ZDHHC9: variants seen among roughly 807,000 people sequenced by gnomAD.
The protein encoded by ZDHHC9 is zDHHC palmitoyltransferase 9, also known as palmitoyltransferase ZDHHC9.
In ZDHHC9, 3 loss-of-function variants were observed where a neutral mutation model predicts 26.6. That is an observed-to-expected ratio of 0.11 (90% CI 0.05 to 0.29). ZDHHC9 has a LOEUF of 0.29. Ranked by LOEUF, ZDHHC9 falls within the 10% of genes least tolerant of loss-of-function variation. ZDHHC9 has a pLI of 1.00. For missense variants in ZDHHC9, 146 were observed against 296.4 expected (o/e 0.49, Z 3.73); for synonymous variants, 111 against 109.4 (o/e 1.01, Z -0.09).
chrX:129,840,480 C>T (rs764359879), intron 3 of ZDHHC9, among the ~76,000 whole-genome samples: 2 of 111,674 alleles, frequency 1.8e-5, no homozygotes, highest in Non-Finnish European at 3.8e-5. Flanking sequence ...TGGTACCACA[C>T]ACAAGCACGT....
At chrX:129,814,238 C>T (rs1927708698) in intron 6 of ZDHHC9, among the ~76,000 whole-genome samples, 1 of 111,520 alleles carries the variant, frequency 9.0e-6, no homozygotes, top group Admixed American at 9.6e-5. Context: ...TTTCTATCTC[C>T]CAAACTAGAC....
At chrX:129,824,168 C>A (rs757106304) in intron 4 of ZDHHC9, among the ~76,000 whole-genome samples, 28 of 111,948 alleles carry the variant, frequency 2.5e-4, no homozygotes, top group Non-Finnish European at 5.3e-4. Flanking sequence ...CACAAAGATA[C>A]CATTTTTACC....
In ZDHHC9 at chrX:129,815,836, C is replaced by T. The variant is rs368406197; in HGVS notation, c.488-1041G>A. Among the ~76,000 whole-genome samples, 36 of 111,823 alleles carry T rather than the reference C, an allele frequency of 3.2e-4. No individual in the cohort carries two copies. In the Admixed American group the frequency reaches 3.2e-3, roughly 10 times the overall value. ...AATCAATAGGAAAATACAAATACTT[C>T]GTCAAGAAAATAATAGTCAAAAGTT... is the stretch of plus-strand genomic sequence containing the variant. On this transcript the variant is annotated intron_variant, in intron 5 of 10. Transcript: ENST00000357166.
rs759444980 is a variant in ZDHHC9 at position 129,840,678 on chromosome X, A to C, written c.167+1101T>G. Among the ~76,000 whole-genome samples, 8 of 110,523 alleles carry C rather than the reference A, an allele frequency of 7.2e-5. No homozygotes were observed. In the South Asian group the frequency reaches 3.1e-3, roughly 43 times the overall value. On this transcript the variant is annotated intron_variant, in intron 3 of 10. Coordinates refer to ENST00000357166, the MANE Select transcript of ZDHHC9 (RefSeq NM_016032.4). ...CTTTCCCAGCCCCGTTATAAACTGGATCTCCCTCCCCCTGCTGTTACTCAA... is the reference window on the plus strand; with the variant it reads ...CTTTCCCAGCCCCGTTATAAACTGGCTCTCCCTCCCCCTGCTGTTACTCAA...
chrX:129,805,792 A>G lies in ZDHHC9; in HGVS notation c.*578T>C, dbSNP rs772226649. 2 of 114,240 alleles carry G rather than the reference A, an allele frequency of 1.8e-5. No individual in the cohort carries two copies. Among genetic ancestry groups the G allele is most frequent in the African/African-American group, 6.5e-5 (2 of 30,554 alleles). 9.4% of individuals were successfully genotyped at this position (114,240 alleles called of 1,213,427 possible). A position where few individuals can be genotyped will look rare whatever the true frequency, so the allele number is the denominator to read the frequency against. On this transcript the variant is annotated 3_prime_UTR_variant, in exon 11 of 11. Coordinates refer to ENST00000357166, the MANE Select transcript of ZDHHC9 (RefSeq NM_016032.4). ...GGATGGGAGACAAAGGAGAAGCTAC[A>G]CTAATAAATACAACAAGTGGAAGGT...
At chrX:129,837,850 G>T (rs912086366) in intron 3 of ZDHHC9, among the ~76,000 whole-genome samples, 6 of 112,373 alleles carry the variant, frequency 5.3e-5, no homozygotes, top group Non-Finnish European at 1.1e-4. Flanking sequence ...CAGTGCACTT[G>T]TTCCTTTCTC....
chrX:129,832,938 C>T (rs1224117760), intron 3 of ZDHHC9, among the ~76,000 whole-genome samples: 1 of 99,180 alleles, frequency 1.0e-5, no homozygotes, highest in African/African-American at 3.9e-5. Context: ...TGCACTCCAG[C>T]CTGGTGACAG....
At position 129,838,411 on chromosome X, in the gene ZDHHC9, C is replaced by A. The variant is rs1042079901; in HGVS notation, c.167+3368G>T. 3.6e-5 allele frequency among the ~76,000 whole-genome samples: 4 copies of A among 112,187 alleles called. No individual in the cohort carries two copies. The Admixed American group carries it at 3.8e-4, about 11-fold the overall frequency. ...AACAGGCCGGGCGCAGTGGCTCATG[C>A]CTGTAATCCCAGCACTTGGGGAGGC... On this transcript the variant is annotated intron_variant, in intron 3 of 10. Transcript: ENST00000357166.
At chrX:129,822,002 G>A (rs754151433) in intron 5 of ZDHHC9, among the ~76,000 whole-genome samples, 8 of 111,441 alleles carry the variant, frequency 7.2e-5, no homozygotes, top group Non-Finnish European at 1.3e-4. Flanking sequence ...TACACTGTTG[G>A]TGGGAGTGTA....
Position 129,818,861 on chromosome X carries a change from G to T in ZDHHC9, c.488-4066C>A, listed in dbSNP as rs763465249. On this transcript the variant is annotated intron_variant, in intron 5 of 10. Transcript: ENST00000357166. Reference sequence around the variant, plus strand: ...ACATGTGTTATTTTGATGAATAAAAGACTACAAAAGAATAAAATACATCAA... The same window carrying T: ...ACATGTGTTATTTTGATGAATAAAATACTACAAAAGAATAAAATACATCAA... Among the ~76,000 whole-genome samples the T allele has an allele frequency of 1.7e-4, 19 of 111,315 alleles. 1 individual carries two copies. The East Asian group carries it at 4.7e-3, about 28-fold the overall frequency.
chrX:129,832,351 G>A (rs984148579), intron 3 of ZDHHC9, among the ~76,000 whole-genome samples: 4 of 110,944 alleles, frequency 3.6e-5, no homozygotes, highest in African/African-American at 1.3e-4. Context: ...ATTTGTCTTA[G>A]ATAAAGATTA....
At chrX:129,817,634 T>C (rs1172812995) in intron 5 of ZDHHC9, among the ~76,000 whole-genome samples, 1 of 111,068 alleles carries the variant, frequency 9.0e-6, no homozygotes, top group Non-Finnish European at 1.9e-5. Flanking sequence ...TAACTCTCCA[T>C]TTCCCCCTTC....
At chrX:129,830,120 T>C (rs764440911) in intron 3 of ZDHHC9, among the ~76,000 whole-genome samples, 64 of 112,045 alleles carry the variant, frequency 5.7e-4, no homozygotes, top group Admixed American at 3.0e-3. Flanking sequence ...CTACTCCCTG[T>C]GGTCCTCACT....
chrX:129,819,621 G>T (rs1927837654), intron 5 of ZDHHC9, among the ~76,000 whole-genome samples: 2 of 111,370 alleles, frequency 1.8e-5, no homozygotes, highest in Non-Finnish European at 3.8e-5. Context: ...TGTAAATGTA[G>T]CCTATCTCCC....
chrX:129,815,068 C>T (rs760344911), intron 5 of ZDHHC9, among the ~76,000 whole-genome samples: 27 of 110,994 alleles, frequency 2.4e-4, no homozygotes, highest in Non-Finnish European at 5.1e-4. Context: ...AAGTGATTTG[C>T]CTCACTCAGC....
intron 3 of ZDHHC9, among the ~76,000 whole-genome samples, chrX:129,831,787 G>A (rs919810465): frequency 1.8e-5 from 2 of 111,478 alleles, no homozygotes; most frequent in African/African-American, 6.5e-5. Flanking sequence ...TGAGTAAGGG[G>A]AAACTTCGAG....
chrX:129,830,002 A>G (rs1012501923), intron 3 of ZDHHC9, among the ~76,000 whole-genome samples: 2 of 111,821 alleles, frequency 1.8e-5, no homozygotes, highest in African/African-American at 6.5e-5. Context: ...CACTAAATCT[A>G]TGAAATAGAT....
chrX:129,811,014 A>G lies in ZDHHC9; in HGVS notation c.882-13T>C. Reference sequence around the variant, plus strand: ...TCGATCCAGCACACTGAAGGAGATAAGAGAGTTAACAAAGAACTGGGCATT... The same window carrying G: ...TCGATCCAGCACACTGAAGGAGATAGGAGAGTTAACAAAGAACTGGGCATT... On this transcript the variant is annotated splice_polypyrimidine_tract_variant and intron_variant, in intron 9 of 10. Transcript: ENST00000357166. 8.3e-7 allele frequency: 1 copy of G among 1,200,207 alleles called. No individual in the cohort carries two copies. Among genetic ancestry groups the G allele is most frequent in the Non-Finnish European group, 1.1e-6 (1 of 885,533 alleles).
chrX:129,808,662 T>C (rs1272921797), intron 10 of ZDHHC9, among the ~76,000 whole-genome samples: 1 of 111,795 alleles, frequency 8.9e-6, no homozygotes, highest in East Asian at 2.8e-4. Context: ...GGCAACAGTT[T>C]CTCAGATATG....
Sources: allele counts gnomAD v4.1 joint callset (sites outside exome capture counted in the v4.1 genomes callset), GRCh38; gene constraint gnomAD v4.1.1; transcripts MANE v1.5; gene names NCBI Gene and HGNC (gene_info 2026-07-23, HGNC 2026-07-21).